Variants in SAMD3 observed in about 807,000 individuals in gnomAD.
The protein encoded by SAMD3 is sterile alpha motif domain-containing protein 3.
SAMD3 carries 63 observed loss-of-function variants against 58.5 expected under a neutral mutation model. The observed-to-expected ratio is 1.08, with a 90% CI of 0.88 to 1.33. The LOEUF (loss-of-function observed/expected upper bound fraction) is 1.33, where lower values mean the gene tolerates loss of function less well. Ranked by LOEUF, SAMD3 falls within the 40% of genes most tolerant of loss-of-function variation. SAMD3 has a pLI of 0.00. For synonymous variants in SAMD3, 220 were observed against 210.3 expected, an observed-to-expected ratio of 1.05 and a Z score of -0.40; for missense variants, 604 against 608.4, an observed-to-expected ratio of 0.99 and a Z score of 0.08.
At chr6:130,213,446 C>T (rs9492493) in intron 4 of SAMD3, among the ~76,000 whole-genome samples, 120,353 of 151,918 alleles carry the variant, frequency 0.79, 48,135 homozygotes, top group African/African-American at 0.89. Flanking sequence ...ATGTCAGGTC[C>T]CTACCATTAT....
At chr6:130,185,607 C>G (rs12174613) in intron 5 of SAMD3, among the ~76,000 whole-genome samples, 4 of 150,964 alleles carry the variant, frequency 2.6e-5, no homozygotes, top group Non-Finnish European at 4.4e-5. Context: ...GACTACAGGC[C>G]TGAGCCACTG....
At chr6:130,314,587 A>G (rs1243867032) in intron 1 of SAMD3, among the ~76,000 whole-genome samples, 1 of 152,218 alleles carries the variant, frequency 6.6e-6, no homozygotes, top group African/African-American at 2.4e-5. Context: ...AGAGAGCTCA[A>G]TTCATGACTT....
intron 2 of SAMD3, among the ~76,000 whole-genome samples, chr6:130,256,957 T>A (rs1174441605): frequency 6.6e-6 from 1 of 152,182 alleles, no homozygotes; most frequent in African/African-American, 2.4e-5. Flanking sequence ...TGTAAGTAAC[T>A]CTCTAAAAAT....
intron 1 of SAMD3, among the ~76,000 whole-genome samples, chr6:130,327,690 G>A (rs1047214300): frequency 3.3e-5 from 5 of 152,164 alleles, no homozygotes; most frequent in Admixed American, 1.3e-4. Context: ...GTGTGGAACA[G>A]ATATTGATAT....
At chr6:130,286,628 T>C (rs1464885985) in intron 2 of SAMD3, among the ~76,000 whole-genome samples, 12 of 152,374 alleles carry the variant, frequency 7.9e-5, no homozygotes, top group Admixed American at 7.2e-4. Flanking sequence ...ATATTTTTTC[T>C]ATTCTCCCGA....
upstream of SAMD3, among the ~76,000 whole-genome samples, chr6:130,223,472 T>C (rs1796295197): frequency 1.3e-5 from 2 of 152,220 alleles, no homozygotes; most frequent in Non-Finnish European, 2.9e-5. Context: ...ACTATTTTTT[T>C]GGAGTTACTC....
chr6:130,364,376 A>T (rs1431241898), intron 1 of SAMD3, among the ~76,000 whole-genome samples: 2 of 152,082 alleles, frequency 1.3e-5, no homozygotes, highest in Non-Finnish European at 1.5e-5. Flanking sequence ...TGTCACCTCA[A>T]ATGATCTATG....
chr6:130,288,033 T>C (rs1420778094), intron 2 of SAMD3, among the ~76,000 whole-genome samples: 1 of 151,714 alleles, frequency 6.6e-6, no homozygotes, highest in Admixed American at 6.6e-5. Context: ...AAGCAGCCAG[T>C]GTGTTATGCA....
chr6:130,289,551 G>T (rs1775291957), intron 2 of SAMD3, among the ~76,000 whole-genome samples: 1 of 152,172 alleles, frequency 6.6e-6, no homozygotes, highest in African/African-American at 2.4e-5. Context: ...CCAGGTTAGA[G>T]TGCAGTGGCA....
intron 5 of SAMD3, among the ~76,000 whole-genome samples, chr6:130,189,828 C>T (rs1441189606): frequency 2.0e-5 from 3 of 152,158 alleles, no homozygotes; most frequent in Admixed American, 6.5e-5. Context: ...ATGTGAAAAA[C>T]AGAATGCAGG....
chr6:130,269,819 G>A (rs1446142631), intron 2 of SAMD3, among the ~76,000 whole-genome samples: 1 of 151,480 alleles, frequency 6.6e-6, no homozygotes, highest in Admixed American at 6.6e-5. Context: ...GTTCATCTGA[G>A]GTCTTTCCTC....
chr6:130,263,695 A>G (rs571233347), intron 2 of SAMD3, among the ~76,000 whole-genome samples: 24 of 152,294 alleles, frequency 1.6e-4, no homozygotes, highest in African/African-American at 5.5e-4. Context: ...TATTGCATCT[A>G]ATGCTTGCCT....
intron 1 of SAMD3, among the ~76,000 whole-genome samples, chr6:130,349,199 G>C (rs910137126): frequency 6.6e-6 from 1 of 151,426 alleles, no homozygotes. Context: ...ACATTCAAAA[G>C]CTATCAGAAG....
chr6:130,256,675 A>G (rs1773937582), intron 2 of SAMD3, among the ~76,000 whole-genome samples: 1 of 152,222 alleles, frequency 6.6e-6, no homozygotes, highest in South Asian at 2.1e-4. Context: ...GCTCATGGAA[A>G]CAGATGTTGT....
intron 2 of SAMD3, among the ~76,000 whole-genome samples, chr6:130,312,818 G>A (rs1009217498): frequency 6.6e-6 from 1 of 151,866 alleles, no homozygotes; most frequent in African/African-American, 2.4e-5. Flanking sequence ...CATATCTTTT[G>A]TTTGTTTGGG....
At chr6:130,250,295 CA>C (rs1416722877) in intron 2 of SAMD3, among the ~76,000 whole-genome samples, 1 of 152,160 alleles carries the variant, frequency 6.6e-6, no homozygotes, top group Non-Finnish European at 1.5e-5. Context: ...TCTACGTTAT[CA>C]AAACAGGGTC....
At chr6:130,188,729 G>A (rs1277525782) in intron 5 of SAMD3, among the ~76,000 whole-genome samples, 1 of 152,064 alleles carries the variant, frequency 6.6e-6, no homozygotes, top group Non-Finnish European at 1.5e-5. Flanking sequence ...CTTCATAACT[G>A]CATTTAGTGT....
At chr6:130,310,218 A>T (rs1776099878) in intron 2 of SAMD3, among the ~76,000 whole-genome samples, 1 of 152,206 alleles carries the variant, frequency 6.6e-6, no homozygotes, top group Non-Finnish European at 1.5e-5. Flanking sequence ...TCATCACCGT[A>T]ATTGCTTCTG....
intron 2 of SAMD3, among the ~76,000 whole-genome samples, chr6:130,292,612 GTTTGT>G (rs1554271758): frequency 1.3e-4 from 17 of 132,308 alleles, no homozygotes; most frequent in Non-Finnish European, 2.0e-4. Flanking sequence ...TTGTTTGTTT[GTTTGT>G]TTTGTTTTGT....
Sources: gnomAD v4.1 joint callset for allele counts (sites outside exome capture counted in the v4.1 genomes callset) on GRCh38, gnomAD v4.1.1 for gene constraint, MANE v1.5 for transcripts, NCBI Gene and HGNC (gene_info 2026-07-23, HGNC 2026-07-21) for gene names.